The following METTL15 variants were observed in gnomAD, a reference collection of about 807,000 sequenced individuals.
METTL15 encodes 12S rRNA N(4)-cytidine methyltransferase METTL15.
A neutral mutation model predicts 38.3 loss-of-function variants in METTL15; 34 were observed. The observed-to-expected ratio is 0.89, with a 90% confidence interval of 0.68 to 1.18. The LOEUF is 1.18. Among genes scored for constraint, METTL15 ranks in the 50% most tolerant of loss-of-function variants. The pLI is 0.00. For synonymous variants in METTL15, 162 were observed against 170.9 expected (o/e 0.95, Z 0.41); for missense variants, 438 against 498.4 (o/e 0.88, Z 1.15).
chr11:28,117,259 GTATATATATATATA>G (rs60938215), intron 3 of METTL15, among the ~76,000 whole-genome samples: 2,017 of 108,550 alleles, frequency 0.019, 40 homozygotes, highest in East Asian at 0.04. Flanking sequence ...GTGTGTGTGT[GTATATATATATATA>G]TATATATATA....
intron 5 of METTL15, among the ~76,000 whole-genome samples, chr11:28,378,588 A>C (rs1161082090): frequency 6.6e-6 from 1 of 152,146 alleles, no homozygotes; most frequent in South Asian, 2.1e-4. Context: ...CGGGTACCTC[A>C]GATGGAAATG....
intron 3 of METTL15, among the ~76,000 whole-genome samples, chr11:28,129,618 C>T (rs932052023): frequency 2.5e-4 from 38 of 152,084 alleles, no homozygotes; most frequent in African/African-American, 9.2e-4. Context: ...CCGTGTTGGC[C>T]AGGCTGATCT....
chr11:28,500,729 G>A (rs1241419398), intron 6 of METTL15, among the ~76,000 whole-genome samples: 1 of 152,050 alleles, frequency 6.6e-6, no homozygotes, highest in Non-Finnish European at 1.5e-5. Flanking sequence ...CACCATGTTG[G>A]CCAGGCTGGT....
intron 4 of METTL15, among the ~76,000 whole-genome samples, chr11:28,361,549 C>A (rs1850138766): frequency 6.6e-6 from 1 of 152,066 alleles, no homozygotes; most frequent in African/African-American, 2.4e-5. Context: ...TCTCCCTCTG[C>A]TTTTTACTCT....
chr11:28,223,695 A>G (rs1372370085), intron 4 of METTL15, among the ~76,000 whole-genome samples: 2 of 152,196 alleles, frequency 1.3e-5, no homozygotes, highest in Non-Finnish European at 2.9e-5. Context: ...CAGAAAACTG[A>G]GCAATTCATG....
intron 5 of METTL15, among the ~76,000 whole-genome samples, chr11:28,419,416 T>G (rs1850801111): frequency 6.6e-6 from 1 of 152,192 alleles, no homozygotes; most frequent in Non-Finnish European, 1.5e-5. Context: ...TCTCTACACG[T>G]CTACAACAAC....
intron 3 of METTL15, among the ~76,000 whole-genome samples, chr11:28,124,847 A>G (rs1213741809): frequency 6.6e-6 from 1 of 152,110 alleles, no homozygotes; most frequent in African/African-American, 2.4e-5. Flanking sequence ...GACCTATATA[A>G]TGGTTATATG....
chr11:28,500,955 T>C (rs2582907), intron 6 of METTL15, among the ~76,000 whole-genome samples: 145,890 of 152,322 alleles, frequency 0.96, 70,177 homozygotes, highest in East Asian at 1. Context: ...TCTGACACCC[T>C]ATTAGGATTT....
intron 4 of METTL15, among the ~76,000 whole-genome samples, chr11:28,212,047 T>C (rs1015905044): frequency 6.6e-6 from 1 of 152,058 alleles, no homozygotes; most frequent in Non-Finnish European, 1.5e-5. Context: ...CAAAATGGTC[T>C]CTTTGGTGAA....
chr11:28,169,765 C>T (rs1186311715), intron 3 of METTL15, among the ~76,000 whole-genome samples: 1 of 151,548 alleles, frequency 6.6e-6, no homozygotes, highest in African/African-American at 2.4e-5. Flanking sequence ...TTAATATAAG[C>T]CTTTCTTTCA....
intron 3 of METTL15, among the ~76,000 whole-genome samples, chr11:28,133,828 A>T (rs771948463): frequency 6.6e-6 from 1 of 152,184 alleles, no homozygotes; most frequent in African/African-American, 2.4e-5. Context: ...TTAAGCTGCT[A>T]CTGAATTCCT....
chr11:28,315,950 G>A (rs140649893), intron 6 of METTL15, among the ~76,000 whole-genome samples: 1 of 152,234 alleles, frequency 6.6e-6, no homozygotes, highest in Non-Finnish European at 1.5e-5. Flanking sequence ...ACACCTGCAT[G>A]CCCAGGCAGA....
intron 3 of METTL15, among the ~76,000 whole-genome samples, chr11:28,199,267 A>T (rs1333130616): frequency 6.6e-6 from 1 of 152,146 alleles, no homozygotes; most frequent in Non-Finnish European, 1.5e-5. Context: ...ACTGTTACAA[A>T]CCAACCTTCT....
At chr11:28,236,510 T>C (rs1853983265) in intron 4 of METTL15, among the ~76,000 whole-genome samples, 1 of 152,204 alleles carries the variant, frequency 6.6e-6, no homozygotes, top group African/African-American at 2.4e-5. Flanking sequence ...ATTCAGAGAT[T>C]CAACTTCTTC....
rs748995061 is a variant in METTL15 at position 28,340,927 on chromosome 11, C to A, written c.*190-11163C>A. On this transcript the variant is annotated intron_variant and NMD_transcript_variant, in intron 3 of 7. Coordinates refer to the METTL15 transcript ENST00000532947. ...CAAAGACTTAAAACCAACCCAAATG[C>A]CCATCAATAATAGACTGGATAAAGA... Among the ~76,000 whole-genome samples the A allele has an allele frequency of 2.0e-5, 3 of 152,094 alleles. No homozygotes were observed. In the East Asian group the frequency reaches 5.8e-4, roughly 29 times the overall value.
chr11:28,357,170 A>G (rs1258398653), intron 4 of METTL15, among the ~76,000 whole-genome samples: 1 of 152,230 alleles, frequency 6.6e-6, no homozygotes, highest in African/African-American at 2.4e-5. Flanking sequence ...CTGGAAGGAC[A>G]GTATACTTTT....
intron 3 of METTL15, among the ~76,000 whole-genome samples, chr11:28,182,989 A>T (rs1253437110): frequency 1.3e-5 from 2 of 152,000 alleles, no homozygotes; most frequent in African/African-American, 4.8e-5. Flanking sequence ...TCTAAGTTGT[A>T]TTCCTAGGTA....
At chr11:28,169,440 A>G (rs1367135886) in intron 3 of METTL15, among the ~76,000 whole-genome samples, 2 of 152,144 alleles carry the variant, frequency 1.3e-5, no homozygotes, top group Admixed American at 6.6e-5. Context: ...ATTATATTAG[A>G]AATTAAAAGC....
intron 6 of METTL15, among the ~76,000 whole-genome samples, chr11:28,503,815 A>G (rs1476872452): frequency 1.3e-5 from 2 of 151,768 alleles, no homozygotes; most frequent in Middle Eastern, 3.2e-3. Context: ...AAAGATTCAA[A>G]CCCGGTAGGC....
Sources: gnomAD v4.1 joint callset for allele counts (sites outside exome capture counted in the v4.1 genomes callset) on GRCh38, gnomAD v4.1.1 for gene constraint, MANE v1.5 for transcripts, NCBI Gene and HGNC (gene_info 2026-07-23, HGNC 2026-07-21) for gene names.